Variants in INPP5K observed in about 807,000 individuals in gnomAD.
INPP5K encodes inositol polyphosphate 5-phosphatase K.
In INPP5K, 35 loss-of-function variants were observed where a neutral mutation model predicts 53.5. That is an observed-to-expected ratio of 0.65 (90% CI 0.50 to 0.87). The LOEUF is 0.87. Ranked by LOEUF, INPP5K falls within the 40% of genes least tolerant of loss-of-function variation. INPP5K has a pLI of 0.00. For synonymous variants in INPP5K, 253 were observed against 232.8 expected (o/e 1.09, Z -0.79); for missense variants, 550 against 586.2 (o/e 0.94, Z 0.64).
chr17:1,498,035 C>T lies in INPP5K; in HGVS notation c.864G>A (p.Pro288=), dbSNP rs138432703. ...QPCAGPDTPI[P]PASHFSLSLR... Reference sequence around the variant, plus strand: ...GAGACAAGGAGAAGTGTGACGCCGGCGGTATGGGAGTGTCGGGGCCAGCAC... The same window carrying T: ...GAGACAAGGAGAAGTGTGACGCCGGTGGTATGGGAGTGTCGGGGCCAGCAC... The change falls in exon 8 of 12, where the codon CCG becomes CCA. Residue 288 remains proline, a synonymous_variant. Transcript: ENST00000421807. 2.7e-5 allele frequency: 43 copies of T among 1,613,900 alleles called. No individual in the cohort carries two copies. The highest frequency in any genetic ancestry group is 1.6e-4 in the Middle Eastern group (1 of 6,084).
intron 1 of INPP5K, among the ~76,000 whole-genome samples, chr17:1,515,003 T>C (rs2075400176): frequency 6.7e-6 from 1 of 149,874 alleles, no homozygotes; most frequent in Non-Finnish European, 1.5e-5. Flanking sequence ...GCCTCCCAGG[T>C]TCCAGCAGTT....
intron 5 of INPP5K, 191 bp from the exon 6 acceptor site, chr17:1,508,417 G>A (rs2150988753): frequency 1.7e-6 from 1 of 583,976 alleles, no homozygotes; most frequent in East Asian, 2.9e-5. Context: ...TCAAACCGGA[G>A]AGACCTACCA....
intron 7 of INPP5K, 174 bp from the exon 8 acceptor site, chr17:1,498,296 A>G (rs979102341): frequency 3.8e-6 from 2 of 520,644 alleles, no homozygotes; most frequent in South Asian, 3.2e-5. Context: ...GAAGGTGCCT[A>G]ACAGAATCCA....
intron 3 of INPP5K, among the ~76,000 whole-genome samples, chr17:1,511,118 A>G (rs2075296885): frequency 6.6e-6 from 1 of 152,210 alleles, no homozygotes; most frequent in South Asian, 2.1e-4. Flanking sequence ...CGCCCATGGA[A>G]TGCCAGTGGG....
Position 1,497,743 on chromosome 17 carries a change from C to T in INPP5K, c.963+193G>A, listed in dbSNP as rs551474721. ...AACCTTTTCACAAAGGGTTTGAACA[C>T]GGTTTTGACAGACAGAGCCATCAAC... On this transcript the variant is annotated intron_variant, in intron 8 of 11. Coordinates refer to ENST00000421807, the MANE Select transcript of INPP5K (RefSeq NM_016532.4). 8.0e-4 allele frequency: 453 copies of T among 567,262 alleles called. 2 individuals carry two copies. The highest frequency in any genetic ancestry group is 1.7e-3 in the South Asian group (71 of 41,588). The allele number at this position is 567,262 out of a possible 1,614,324, so 35.1% of individuals were successfully genotyped here.
At chr17:1,515,031 C>T (rs906240897) in intron 1 of INPP5K, among the ~76,000 whole-genome samples, 2 of 151,926 alleles carry the variant, frequency 1.3e-5, no homozygotes, top group Non-Finnish European at 2.9e-5. Context: ...CTCAACCTCC[C>T]AAGTAGCTGG....
chr17:1,516,318 C>T, intron 1 of INPP5K, 138 bp downstream of exon 1: 1 of 1,048,704 alleles, frequency 9.5e-7, no homozygotes, highest in Non-Finnish European at 1.3e-6. Context: ...CCACCTGACA[C>T]AGGCGTGGGA....
chr17:1,495,594 G>A lies in INPP5K; in HGVS notation c.*229C>T. ...GTCTTCACTGTTGACACACTAGCTG[G>A]TTTCACTCACATCTCAGCAACAAAA... is the stretch of plus-strand genomic sequence containing the variant. On this transcript the variant is annotated 3_prime_UTR_variant, in exon 12 of 12. Coordinates refer to ENST00000421807, the MANE Select transcript of INPP5K (RefSeq NM_016532.4). The A allele has an allele frequency of 1.8e-6, 1 of 541,908 alleles. No homozygotes were observed. Among genetic ancestry groups the A allele is most frequent in the Non-Finnish European group, 3.3e-6 (1 of 306,830 alleles). 33.6% of individuals were successfully genotyped at this position (541,908 alleles called of 1,614,324 possible).
rs775572604 is a variant in INPP5K, at chr17:1,495,751, C to T, written c.*72G>A. 1.8e-4 allele frequency: 201 copies of T among 1,137,594 alleles called. No homozygotes were observed. Among genetic ancestry groups the T allele is most frequent in the Middle Eastern group, 1.3e-3 (5 of 3,998 alleles). 70.5% of individuals were successfully genotyped at this position (1,137,594 alleles called of 1,614,324 possible). Reference sequence around the variant, plus strand: ...TCAGGGGGCCAGGCTGGGCCCCCAGCACTCCCGGCAGTGGAAAGGCAGAGC... The same window carrying T: ...TCAGGGGGCCAGGCTGGGCCCCCAGTACTCCCGGCAGTGGAAAGGCAGAGC... On this transcript the variant is annotated 3_prime_UTR_variant, in exon 12 of 12. Coordinates refer to ENST00000421807, the MANE Select transcript of INPP5K (RefSeq NM_016532.4).
Position 1,514,034 on chromosome 17 carries a change from G to A in INPP5K, c.45-55C>T, listed in dbSNP as rs576366012. 4.8e-4 allele frequency: 603 copies of A among 1,268,702 alleles called. 2 individuals are homozygous for A. In the Middle Eastern group the frequency reaches 7.4e-3, roughly 16 times the overall value. 78.6% of individuals were successfully genotyped at this position (1,268,702 alleles called of 1,614,324 possible). Reference sequence around the variant, plus strand: ...GAGGAAGGAGGATAAGATAGTGCACGGGGTCGGCTGGGCGCAGAGGCTCAC... The same window carrying A: ...GAGGAAGGAGGATAAGATAGTGCACAGGGTCGGCTGGGCGCAGAGGCTCAC... On this transcript the variant is annotated intron_variant, in intron 1 of 11. Transcript: ENST00000421807.
chr17:1,498,059 A>C lies in INPP5K; in HGVS notation c.840T>G (p.Cys280Trp). The C allele has an allele frequency of 6.2e-7, 1 of 1,614,082 alleles. No homozygotes were observed. ...GCGGTATGGGAGTGTCGGGGCCAGC[A>C]CAGGGCTGCCGCTTCAGCCTCCACA... ...RILWRLKRQP[C>W]AGPDTPIPPA... The change falls in exon 8 of 12, where the codon TGT becomes TGG. Residue 280 changes from cysteine (C) to tryptophan (W), a missense_variant. Physicochemically the swap from Cys to Trp is radical, Grantham distance 215. Coordinates refer to ENST00000421807, the MANE Select transcript of INPP5K (RefSeq NM_016532.4).
Position 1,513,513 on chromosome 17 carries a change from G to A in INPP5K, c.201C>T (p.Ala67=). Reference sequence around the variant, plus strand: ...GGAAACTGCTCCACGAGTCATTAAAGGCAGCATCGGAAAGGAGGCTTATGA... The same window carrying A: ...GGAAACTGCTCCACGAGTCATTAAAAGCAGCATCGGAAAGGAGGCTTATGA... ...SGIISLLSDA[A]FNDSWSSFLM... is the part of the protein sequence containing the mutation. Residue 67 remains alanine, a synonymous_variant, in exon 3 of 12, where the codon GCC becomes GCT. Coordinates refer to ENST00000421807, the MANE Select transcript of INPP5K (RefSeq NM_016532.4). The A allele has an allele frequency of 6.2e-7, 1 of 1,614,242 alleles. No homozygotes were observed. The highest frequency in any genetic ancestry group is 8.5e-7 in the Non-Finnish European group (1 of 1,180,044).
chr17:1,509,750 T>A lies in INPP5K; in HGVS notation c.311A>T (p.Tyr104Phe). ...AATCTGGATATAGGGCAAATGCTGA[T>A]ACTTGGCAAAGACCAGTAAGAGGAT... ...QGILLLVFAK[Y>F]QHLPYIQILS... Residue 104 changes from tyrosine to phenylalanine, a missense_variant, in exon 4 of 12, where the codon TAT (tyrosine) becomes TTT (phenylalanine). Coordinates refer to ENST00000421807, the MANE Select transcript of INPP5K (RefSeq NM_016532.4). 1 of 1,613,836 alleles carries A rather than the reference T, an allele frequency of 6.2e-7. No homozygotes were observed. The highest frequency in any genetic ancestry group is 8.5e-7 in the Non-Finnish European group (1 of 1,179,804).
At chr17:1,500,751 TGAAGGCAAG>T (rs899825737) in intron 7 of INPP5K, among the ~76,000 whole-genome samples, 8 of 152,162 alleles carry the variant, frequency 5.3e-5, no homozygotes, top group Non-Finnish European at 1.2e-4. Flanking sequence ...GTGTAAGCCC[TGAAGGCAAG>T]GACTTAGCTG....
chr17:1,508,602 C>T, intron 5 of INPP5K: 1 of 301,064 alleles, frequency 3.3e-6, no homozygotes, highest in Non-Finnish European at 6.4e-6. Flanking sequence ...GGAAGGGGAC[C>T]CCAGGCAGGC....
At chr17:1,507,347 A>G (rs1443689562) in intron 6 of INPP5K, 4 of 497,198 alleles carry the variant, frequency 8.0e-6, no homozygotes, top group Non-Finnish European at 1.4e-5. Context: ...CAGGGACCCA[A>G]CTTGGAATTC....
intron 7 of INPP5K, among the ~76,000 whole-genome samples, chr17:1,506,266 C>T (rs1052970824): frequency 3.9e-5 from 6 of 152,140 alleles, no homozygotes. Flanking sequence ...TTCAGTGATC[C>T]ACCTGCCTCG....
intron 7 of INPP5K, among the ~76,000 whole-genome samples, chr17:1,500,762 A>G (rs931285201): frequency 5.9e-5 from 9 of 152,108 alleles, no homozygotes; most frequent in African/African-American, 2.2e-4. Context: ...GAAGGCAAGG[A>G]CTTAGCTGTT....
intron 3 of INPP5K, 128 bp from the exon 4 acceptor site, chr17:1,509,927 TATCC>T: frequency 1.6e-6 from 1 of 608,788 alleles, no homozygotes; most frequent in Non-Finnish European, 2.9e-6. Flanking sequence ...GGGTCTACGA[TATCC>T]CAGTTTGAAT....
Sources: allele counts gnomAD v4.1 joint callset (sites outside exome capture counted in the v4.1 genomes callset), GRCh38; gene constraint gnomAD v4.1.1; transcripts MANE v1.5; gene names NCBI Gene and HGNC (gene_info 2026-07-23, HGNC 2026-07-21).